The following OXSR1 variants were observed in gnomAD, a reference collection of about 807,000 sequenced individuals.
The protein encoded by OXSR1 is serine/threonine-protein kinase OSR1.
Under a neutral mutation model 79.8 loss-of-function variants are expected in OXSR1, and 24 were observed. The ratio of observed to expected loss-of-function variants is 0.30; its 90% CI spans 0.22 to 0.42. The LOEUF (loss-of-function observed/expected upper bound fraction) is 0.42, where lower values mean the gene tolerates loss of function less well. Among genes scored for constraint, OXSR1 ranks in the 10% least tolerant of loss-of-function variants. The pLI is 1.00. For missense variants in OXSR1, 430 were observed against 618.4 expected, an observed-to-expected ratio of 0.70 and a Z score of 3.23; for synonymous variants, 226 against 209.2, an observed-to-expected ratio of 1.08 and a Z score of -0.69.
chr3:38,195,138 G>C (rs1485283184), intron 3 of OXSR1, among the ~76,000 whole-genome samples: 1 of 152,120 alleles, frequency 6.6e-6, no homozygotes, highest in Non-Finnish European at 1.5e-5. Flanking sequence ...GGTATAAATA[G>C]CTATTTCCAG....
intron 1 of OXSR1, among the ~76,000 whole-genome samples, chr3:38,175,564 G>A (rs1701661644): frequency 6.6e-6 from 1 of 152,192 alleles, no homozygotes; most frequent in Admixed American, 6.5e-5. Context: ...GCCTCCCAAA[G>A]TGCTGAGACT....
chr3:38,178,278 A>G (rs2125804932), intron 1 of OXSR1, among the ~76,000 whole-genome samples: 1 of 152,176 alleles, frequency 6.6e-6, no homozygotes, highest in South Asian at 2.1e-4. Context: ...TTAGTTTGTC[A>G]GAACTGTGAT....
At chr3:38,245,378 A>T (rs1463777926) in intron 12 of OXSR1, among the ~76,000 whole-genome samples, 1 of 152,210 alleles carries the variant, frequency 6.6e-6, no homozygotes, top group Non-Finnish European at 1.5e-5. Flanking sequence ...AAAATAACAT[A>T]TATAAAATAT....
chr3:38,237,894 T>C (rs1702951737), intron 11 of OXSR1, among the ~76,000 whole-genome samples: 1 of 152,196 alleles, frequency 6.6e-6, no homozygotes, highest in Non-Finnish European at 1.5e-5. Context: ...CCTGTTTGAA[T>C]TGATACTCTC....
In OXSR1 at chr3:38,247,597, G is replaced by C. The variant is rs1410516865; in HGVS notation, c.1258-71G>C. 7 of 1,064,578 alleles carry C rather than the reference G, an allele frequency of 6.6e-6. No homozygotes were observed. In the African/African-American group the frequency reaches 7.8e-5, roughly 12 times the overall value. 65.9% of individuals were successfully genotyped at this position (1,064,578 alleles called of 1,614,324 possible). ...TTGCTGCCAAGTAAATGATTCCTCT[G>C]CCAGTGACCATTAGTCACCTCCCCA... On this transcript the variant is annotated intron_variant, in intron 13 of 17. Transcript: ENST00000311806.
chr3:38,230,658 G>T, intron 10 of OXSR1: 1 of 409,200 alleles, frequency 2.4e-6, no homozygotes, highest in Non-Finnish European at 4.5e-6. Context: ...GACAGTAATT[G>T]GTAAATTAAT....
chr3:38,209,706 C>T (rs2125827599), intron 4 of OXSR1, among the ~76,000 whole-genome samples: 1 of 150,840 alleles, frequency 6.6e-6, no homozygotes, highest in African/African-American at 2.4e-5. Flanking sequence ...GCAATCTCGG[C>T]TCACTGTAAG....
intron 4 of OXSR1, among the ~76,000 whole-genome samples, chr3:38,212,862 T>C (rs1216975649): frequency 6.6e-6 from 1 of 151,960 alleles, no homozygotes; most frequent in Non-Finnish European, 1.5e-5. Flanking sequence ...ACTATATTGA[T>C]TTCCAGATAT....
chr3:38,232,114 A>T (rs907050746), intron 10 of OXSR1, among the ~76,000 whole-genome samples: 16 of 152,196 alleles, frequency 1.1e-4, no homozygotes, highest in Middle Eastern at 3.4e-3. Context: ...CTCAAAAAAA[A>T]CAAAAGAAGA....
chr3:38,220,556 G>A (rs1040395051), intron 5 of OXSR1, among the ~76,000 whole-genome samples: 2 of 152,144 alleles, frequency 1.3e-5, no homozygotes, highest in Non-Finnish European at 2.9e-5. Context: ...GGTTGTATTG[G>A]AAATTATCAC....
At chr3:38,233,359 G>T (rs1296196679) in intron 10 of OXSR1, among the ~76,000 whole-genome samples, 2 of 152,140 alleles carry the variant, frequency 1.3e-5, no homozygotes, top group East Asian at 3.8e-4. Context: ...CAGAAGTATT[G>T]ACATTGGAGG....
rs994529306 is a variant in OXSR1 at position 38,165,668 on chromosome 3, G to C, written c.-209G>C. On this transcript the variant is annotated 5_prime_UTR_variant, in exon 1 of 18. Coordinates refer to ENST00000311806, the MANE Select transcript of OXSR1 (RefSeq NM_005109.3). ...GGGCAGTGCCGGACTCGGAGGAGCA[G>C]GAGGCGAGGTCCGCCGGAGCTCTGA... is the stretch of plus-strand genomic sequence containing the variant. 7.5e-6 allele frequency: 4 copies of C among 536,226 alleles called. No homozygotes were observed. Among genetic ancestry groups the C allele is most frequent in the Admixed American group, 3.7e-5 (1 of 27,274 alleles). 33.2% of individuals were successfully genotyped at this position (536,226 alleles called of 1,614,324 possible).
chr3:38,221,544 A>G, intron 5 of OXSR1, 34 bp from the exon 6 acceptor site: 2 of 1,144,556 alleles, frequency 1.7e-6, no homozygotes, highest in African/African-American at 1.5e-5. Flanking sequence ...TAGTTGATGC[A>G]CTTTAAATAC....
chr3:38,167,451 C>G (rs1169868415), intron 1 of OXSR1, among the ~76,000 whole-genome samples: 1 of 152,264 alleles, frequency 6.6e-6, no homozygotes, highest in African/African-American at 2.4e-5. Context: ...TGCCAGCATC[C>G]TGCCCTAAAA....
intron 4 of OXSR1, among the ~76,000 whole-genome samples, chr3:38,210,448 C>CT (rs1481112740): frequency 6.6e-6 from 1 of 152,090 alleles, no homozygotes; most frequent in African/African-American, 2.4e-5. Context: ...AAATTGGTTA[C>CT]TTTTTTCTTC....
intron 3 of OXSR1, 144 bp downstream of exon 3, chr3:38,190,983 T>C: frequency 1.5e-6 from 1 of 645,682 alleles, no homozygotes; most frequent in Middle Eastern, 2.7e-4. Context: ...AAGATGCTAA[T>C]CTATGAGCCA....
chr3:38,171,935 G>C (rs1701590443), intron 1 of OXSR1, among the ~76,000 whole-genome samples: 1 of 152,200 alleles, frequency 6.6e-6, no homozygotes, highest in Non-Finnish European at 1.5e-5. Context: ...TACTAGTTAT[G>C]TGATCTTAGA....
rs1217224265 is a variant in OXSR1 at position 38,221,579 on chromosome 3, C to T, written c.492C>T (p.Asp164=). Residue 164 remains aspartate (D), a splice_region_variant and synonymous_variant, in exon 6 of 18, where the codon GAC becomes GAT. Transcript: ENST00000311806. ...CCTTGCTGTTGTATTCTATTTCAGA[C>T]TTTGGGGTTAGTGCTTTTTTAGCAA... is the stretch of plus-strand genomic sequence containing the variant. ...LGEDGSVQIA[D]FGVSAFLATG... is the part of the protein sequence containing the mutation. 2 of 1,591,880 alleles carry T rather than the reference C, an allele frequency of 1.3e-6. No homozygotes were observed. The highest frequency in any genetic ancestry group is 1.7e-6 in the Non-Finnish European group (2 of 1,160,310).
At chr3:38,230,577 C>A in intron 10 of OXSR1, 147 bp downstream of exon 10, 1 of 610,702 alleles carries the variant, frequency 1.6e-6, no homozygotes, top group Non-Finnish European at 3.0e-6. Flanking sequence ...TACATTCATT[C>A]AGCAAATATC....
Sources: allele counts gnomAD v4.1 joint callset (sites outside exome capture counted in the v4.1 genomes callset), GRCh38; gene constraint gnomAD v4.1.1; transcripts MANE v1.5; gene names NCBI Gene and HGNC (gene_info 2026-07-23, HGNC 2026-07-21).